The following POLE2 variants were observed in gnomAD, a reference collection of about 807,000 sequenced individuals.
POLE2 encodes DNA polymerase epsilon subunit 2.
Under a neutral mutation model 79.4 loss-of-function variants are expected in POLE2, and 56 were observed. That is an observed-to-expected ratio of 0.71 (90% CI 0.57 to 0.88). The LOEUF (loss-of-function observed/expected upper bound fraction) is 0.88. Ranked by LOEUF, POLE2 falls within the 40% of genes least tolerant of loss-of-function variation. The pLI, the probability that POLE2 is intolerant of heterozygous loss-of-function variation, is 0.00. For missense variants in POLE2, 598 were observed against 638.9 expected (o/e 0.94, Z 0.69); for synonymous variants, 212 against 214.0 (o/e 0.99, Z 0.08).
chr14:49,682,811 G>T (rs1004975093), intron 2 of POLE2, among the ~76,000 whole-genome samples: 8 of 151,104 alleles, frequency 5.3e-5, no homozygotes, highest in African/African-American at 2.0e-4. Context: ...AAGTTAAAAT[G>T]ACTAGCCATT....
intron 5 of POLE2, 142 bp from the exon 6 acceptor site, chr14:49,669,740 T>A: frequency 1.7e-6 from 1 of 590,134 alleles, no homozygotes. Flanking sequence ...CCCACATAAT[T>A]TAACATACAA....
At chr14:49,673,585 G>T (rs1040432205) in intron 5 of POLE2, among the ~76,000 whole-genome samples, 21 of 152,050 alleles carry the variant, frequency 1.4e-4, no homozygotes, top group African/African-American at 5.1e-4. Context: ...TACATTGTTT[G>T]TATCTCTTTT....
chr14:49,663,231 A>G (rs1594583167), intron 10 of POLE2, 84 bp downstream of exon 10: 1 of 585,630 alleles, frequency 1.7e-6, no homozygotes, highest in East Asian at 3.0e-5. Context: ...ACCTTTTAGT[A>G]ACTGAGATAT....
chr14:49,647,571 A>G (rs931796503), intron 17 of POLE2, among the ~76,000 whole-genome samples: 1 of 151,940 alleles, frequency 6.6e-6, no homozygotes, highest in Non-Finnish European at 1.5e-5. Context: ...TTCCCATCTC[A>G]GCCTCCCAGG....
At chr14:49,651,656 A>C (rs899370538) in intron 15 of POLE2, among the ~76,000 whole-genome samples, 7 of 152,224 alleles carry the variant, frequency 4.6e-5, no homozygotes, top group African/African-American at 1.7e-4. Context: ...ATAAAAAGCG[A>C]ACATAATCAT....
chr14:49,660,877 G>A (rs1325056805), intron 10 of POLE2, among the ~76,000 whole-genome samples: 3 of 152,130 alleles, frequency 2.0e-5, no homozygotes, highest in Non-Finnish European at 4.4e-5. Context: ...GGCAACAAGA[G>A]CAAAACTCCG....
At chr14:49,678,272 G>A (rs1886445680) in intron 3 of POLE2, among the ~76,000 whole-genome samples, 1 of 151,994 alleles carries the variant, frequency 6.6e-6, no homozygotes. Context: ...CAAAGTGCTG[G>A]GATTACGGGC....
chr14:49,664,599 G>T, intron 9 of POLE2, 27 bp downstream of exon 9: 1 of 1,397,940 alleles, frequency 7.2e-7, no homozygotes, highest in Non-Finnish European at 1.0e-6. Flanking sequence ...ATGAGAAGAA[G>T]GACAGTAACA....
At chr14:49,672,396 CTTTA>C (rs35213889) in intron 5 of POLE2, among the ~76,000 whole-genome samples, 28,361 of 151,926 alleles carry the variant, frequency 0.19, 2,806 homozygotes, top group African/African-American at 0.23. Flanking sequence ...TCTTTTCAAC[CTTTA>C]TTTAACCTAC....
rs45488792 is a variant in POLE2, at chr14:49,674,244, C to T, written c.324-28G>A. The T allele has an allele frequency of 3.9e-6, 6 of 1,523,370 alleles. No individual in the cohort carries two copies. In the African/African-American group the frequency reaches 5.5e-5, roughly 14 times the overall value. 94.4% of individuals were successfully genotyped at this position (1,523,370 alleles called of 1,614,324 possible). On this transcript the variant is annotated intron_variant, in intron 4 of 18. Transcript: ENST00000216367. ...AGAAAAAGAGAATGCCTATTTTTGA[C>T]TATCATAATACACAAAGGTGAGCCA...
intron 11 of POLE2, among the ~76,000 whole-genome samples, chr14:49,655,389 G>A (rs191068362): frequency 1.3e-5 from 2 of 151,790 alleles, no homozygotes; most frequent in Admixed American, 1.3e-4. Flanking sequence ...TTTGTTTAGA[G>A]ATGGGGTCTC....
intron 5 of POLE2, among the ~76,000 whole-genome samples, chr14:49,670,317 CAAAAAAAAAAA>C (rs61383006): frequency 0.042 from 2,505 of 59,114 alleles, 64 homozygotes; most frequent in African/African-American, 0.086. Context: ...ACTGTGTCTC[CAAAAAAAAAAA>C]AAAAAAAAAA....
At chr14:49,674,520 A>G in intron 3 of POLE2, 93 bp from the exon 4 acceptor site, 4 of 763,340 alleles carry the variant, frequency 5.2e-6, no homozygotes, top group East Asian at 2.5e-5. Context: ...ATTTGTAATA[A>G]CACACTTTTC....
chr14:49,651,183 C>G (rs542894826), intron 16 of POLE2, 86 bp downstream of exon 16: 1 of 633,162 alleles, frequency 1.6e-6, no homozygotes. Flanking sequence ...AATGTCCTAA[C>G]CCAAGGACAA....
chr14:49,661,561 T>A (rs564476328), intron 10 of POLE2, among the ~76,000 whole-genome samples: 203 of 152,244 alleles, frequency 1.3e-3, no homozygotes, highest in African/African-American at 4.6e-3. Flanking sequence ...TAAAAAAAAA[T>A]TATTTGCATT....
At chr14:49,679,878 A>C in intron 2 of POLE2, 78 bp from the exon 3 acceptor site, 1 of 789,726 alleles carries the variant, frequency 1.3e-6, no homozygotes, top group Non-Finnish European at 2.2e-6. Context: ...CTTTTCCCAA[A>C]AATAATTTGC....
chr14:49,663,789 G>A (rs1885263579), intron 9 of POLE2, among the ~76,000 whole-genome samples: 1 of 152,128 alleles, frequency 6.6e-6, no homozygotes. Flanking sequence ...AGCACTTTGG[G>A]AGGCTGAGGC....
Position 49,674,199 on chromosome 14 carries a change from T to A in POLE2, c.341A>T (p.His114Leu), listed in dbSNP as rs1300345374. ...KKFLPLLMTN[H>L]PAPNLFGTPR... ...TGTTCCAAATAAATTTGGTGCAGGG[T>A]GGTTGGTCATTAACAGACTAGAAAA... The change falls in exon 5 of 19, where the codon CAC becomes CTC. Residue 114 changes from histidine (H) to leucine (L), a missense_variant. Physicochemically the swap from His to Leu is moderately conservative, Grantham distance 99. Coordinates refer to ENST00000216367, the MANE Select transcript of POLE2 (RefSeq NM_002692.4). 6.2e-7 allele frequency: 1 copy of A among 1,611,742 alleles called. No individual in the cohort carries two copies. The highest frequency in any genetic ancestry group is 2.2e-5 in the East Asian group (1 of 44,848).
At chr14:49,687,343 T>C (rs914099071) in intron 1 of POLE2, among the ~76,000 whole-genome samples, 10 of 142,642 alleles carry the variant, frequency 7.0e-5, no homozygotes, top group Admixed American at 1.4e-4. Context: ...CACACGTACA[T>C]ATAGAACTCT....
Sources: allele counts gnomAD v4.1 joint callset (sites outside exome capture counted in the v4.1 genomes callset), GRCh38; gene constraint gnomAD v4.1.1; transcripts MANE v1.5; gene names NCBI Gene and HGNC (gene_info 2026-07-23, HGNC 2026-07-21).